Variants in RCAN2 observed in about 807,000 individuals in gnomAD.
RCAN2 encodes calcipressin-2.
RCAN2 carries 9 observed loss-of-function variants against 23.6 expected under a neutral mutation model. The observed-to-expected ratio is 0.38, with a 90% confidence interval of 0.23 to 0.67. The LOEUF (loss-of-function observed/expected upper bound fraction) is 0.67, where lower values mean the gene tolerates loss of function less well. Among genes scored for constraint, RCAN2 ranks in the 30% least tolerant of loss-of-function variants. RCAN2 has a pLI of 0.51. For synonymous variants in RCAN2, 109 were observed against 115.7 expected, an observed-to-expected ratio of 0.94 and a Z score of 0.37; for missense variants, 273 against 302.3, an observed-to-expected ratio of 0.90 and a Z score of 0.72.
At chr6:46,341,833 A>G (rs1764327939) in intron 2 of RCAN2, among the ~76,000 whole-genome samples, 1 of 152,272 alleles carries the variant, frequency 6.6e-6, no homozygotes, top group Non-Finnish European at 1.5e-5. Context: ...TGTCAGTCCT[A>G]TATCTTTTTT....
chr6:46,466,277 G>A (rs1360901992), intron 1 of RCAN2, among the ~76,000 whole-genome samples: 1 of 152,206 alleles, frequency 6.6e-6, no homozygotes, highest in Non-Finnish European at 1.5e-5. Context: ...TTCACCTTTG[G>A]TTTTCAGATG....
intron 2 of RCAN2, among the ~76,000 whole-genome samples, chr6:46,424,933 C>G (rs1766993156): frequency 6.6e-6 from 1 of 152,110 alleles, no homozygotes. Flanking sequence ...GAGTGGTGAA[C>G]AAAGCAGTCA....
intron 2 of RCAN2, among the ~76,000 whole-genome samples, chr6:46,449,112 TAAAC>T (rs1767800454): frequency 6.6e-6 from 1 of 151,802 alleles, no homozygotes; most frequent in Admixed American, 6.6e-5. Flanking sequence ...TTAGAACTAA[TAAAC>T]AAATTCAGTA....
At chr6:46,381,019 T>C (rs2150393479) in intron 2 of RCAN2, among the ~76,000 whole-genome samples, 1 of 152,248 alleles carries the variant, frequency 6.6e-6, no homozygotes, top group Admixed American at 6.5e-5. Flanking sequence ...AAACTTACAA[T>C]GCCATCTAAT....
At chr6:46,337,576 A>G (rs1324063383) in intron 2 of RCAN2, among the ~76,000 whole-genome samples, 2 of 152,178 alleles carry the variant, frequency 1.3e-5, no homozygotes, top group Non-Finnish European at 2.9e-5. Context: ...ACCAAACCTG[A>G]TCCTCTTTCT....
intron 2 of RCAN2, among the ~76,000 whole-genome samples, chr6:46,437,188 G>A (rs1276635874): frequency 6.6e-6 from 1 of 152,190 alleles, no homozygotes; most frequent in East Asian, 1.9e-4. Context: ...AGGAAAACGA[G>A]CCTCCACATT....
chr6:46,257,107 C>T (rs1008594968), intron 2 of RCAN2, among the ~76,000 whole-genome samples: 1 of 152,108 alleles, frequency 6.6e-6, no homozygotes, highest in Non-Finnish European at 1.5e-5. Flanking sequence ...TTAGAGTTTC[C>T]AATCAGAATG....
intron 4 of RCAN2, among the ~76,000 whole-genome samples, chr6:46,230,795 C>T (rs547809235): frequency 1.3e-4 from 20 of 152,304 alleles, no homozygotes; most frequent in African/African-American, 4.6e-4. Context: ...TGAGATGAAC[C>T]TGGTACCTCA....
chr6:46,319,933 G>A (rs1003296326), intron 2 of RCAN2, among the ~76,000 whole-genome samples: 3 of 152,136 alleles, frequency 2.0e-5, no homozygotes, highest in African/African-American at 7.2e-5. Context: ...AGATGGTCTA[G>A]AGATGTATGA....
chr6:46,469,626 G>A (rs1226425690), intron 1 of RCAN2, among the ~76,000 whole-genome samples: 4 of 152,098 alleles, frequency 2.6e-5, no homozygotes, highest in Non-Finnish European at 4.4e-5. Context: ...TTACAACAAA[G>A]ACCATGCTAG....
At chr6:46,232,635 A>T (rs1220742736) in intron 4 of RCAN2, among the ~76,000 whole-genome samples, 1 of 152,026 alleles carries the variant, frequency 6.6e-6, no homozygotes, top group Non-Finnish European at 1.5e-5. Flanking sequence ...TCTACTAAAA[A>T]TACAAAAATT....
In RCAN2 at chr6:46,364,014, A is replaced by G. The variant is rs559259441; in HGVS notation, c.225+92738T>C. Reference sequence around the variant, plus strand: ...ATTTGCACCAGAAAAAAATTCACTGAATCTTAAATCGCTCAAAGACGATGA... The same window carrying G: ...ATTTGCACCAGAAAAAAATTCACTGGATCTTAAATCGCTCAAAGACGATGA... On this transcript the variant is annotated intron_variant, in intron 2 of 4. Coordinates refer to ENST00000371374, the MANE Select transcript of RCAN2 (RefSeq NM_001251974.2). Among the ~76,000 whole-genome samples, 4 of 152,308 alleles carry G rather than the reference A, an allele frequency of 2.6e-5. No homozygotes were observed. In the South Asian group the frequency reaches 6.2e-4, roughly 24 times the overall value.
At chr6:46,490,626 T>A (rs767725815) in intron 1 of RCAN2, among the ~76,000 whole-genome samples, 16 of 152,242 alleles carry the variant, frequency 1.1e-4, no homozygotes, top group Admixed American at 3.9e-4. Context: ...AAACTTGAAG[T>A]TATTTTTAGA....
intron 2 of RCAN2, among the ~76,000 whole-genome samples, chr6:46,380,100 C>G (rs1235788868): frequency 6.6e-6 from 1 of 152,156 alleles, no homozygotes; most frequent in Non-Finnish European, 1.5e-5. Context: ...TTTGCAGCCC[C>G]TTATCTGAAG....
intron 1 of RCAN2, among the ~76,000 whole-genome samples, chr6:46,459,497 T>C (rs552115965): frequency 7.5e-4 from 114 of 152,346 alleles, no homozygotes; most frequent in Non-Finnish European, 8.1e-4. Context: ...AACAATATTA[T>C]CTTCATGAGA....
chr6:46,482,395 T>C (rs1031626374), intron 1 of RCAN2, among the ~76,000 whole-genome samples: 24 of 152,054 alleles, frequency 1.6e-4, no homozygotes, highest in African/African-American at 5.3e-4. Flanking sequence ...GAAAACAGGC[T>C]AAAGGTAAAG....
At chr6:46,433,450 GAGA>G (rs1767275216) in intron 2 of RCAN2, among the ~76,000 whole-genome samples, 1 of 152,208 alleles carries the variant, frequency 6.6e-6, no homozygotes, top group African/African-American at 2.4e-5. Context: ...ACTTTAAAAT[GAGA>G]AGATTATTCT....
chr6:46,342,039 C>T (rs1764336214), intron 2 of RCAN2, among the ~76,000 whole-genome samples: 1 of 151,996 alleles, frequency 6.6e-6, no homozygotes. Flanking sequence ...TTATGGAGGG[C>T]ACCTTTGGAA....
intron 2 of RCAN2, among the ~76,000 whole-genome samples, chr6:46,279,454 G>C (rs1333982291): frequency 1.3e-5 from 2 of 152,158 alleles, no homozygotes; most frequent in Non-Finnish European, 2.9e-5. Flanking sequence ...AGGATGTTTG[G>C]TGAGAGCCCT....
Sources: gnomAD v4.1 joint callset for allele counts (sites outside exome capture counted in the v4.1 genomes callset) on GRCh38, gnomAD v4.1.1 for gene constraint, MANE v1.5 for transcripts, NCBI Gene and HGNC (gene_info 2026-07-23, HGNC 2026-07-21) for gene names.